SYT2: variants seen among roughly 807,000 people sequenced by gnomAD.
SYT2 encodes synaptotagmin-2.
Under a neutral mutation model 39.9 loss-of-function variants are expected in SYT2, and 15 were observed. The ratio of observed to expected loss-of-function variants is 0.38; its 90% confidence interval spans 0.25 to 0.58. The LOEUF (loss-of-function observed/expected upper bound fraction) is 0.58. Ranked by LOEUF, SYT2 falls within the 20% of genes least tolerant of loss-of-function variation. The pLI is 0.70. For missense variants in SYT2, 389 were observed against 530.3 expected (o/e 0.73, Z 2.62); for synonymous variants, 181 against 204.5 (o/e 0.89, Z 0.98).
At chr1:202,637,117 T>G (rs1450078417) in intron 1 of SYT2, among the ~76,000 whole-genome samples, 2 of 151,846 alleles carry the variant, frequency 1.3e-5, no homozygotes, top group Admixed American at 1.3e-4. Flanking sequence ...GCCCCAGGAG[T>G]TCGAGCCCAG....
intron 1 of SYT2, among the ~76,000 whole-genome samples, chr1:202,610,427 C>T (rs1047743915): frequency 7.9e-5 from 12 of 152,282 alleles, no homozygotes; most frequent in African/African-American, 2.9e-4. Flanking sequence ...CAGGGATGCC[C>T]CCTCTCACCA....
intron 1 of SYT2, among the ~76,000 whole-genome samples, chr1:202,682,928 C>T (rs757108714): frequency 2.0e-5 from 3 of 152,142 alleles, no homozygotes; most frequent in Non-Finnish European, 4.4e-5. Flanking sequence ...CTAGTAGAAA[C>T]ATGAGCAGAA....
At chr1:202,637,131 G>T (rs1044880127) in intron 1 of SYT2, among the ~76,000 whole-genome samples, 1 of 152,098 alleles carries the variant, frequency 6.6e-6, no homozygotes, top group Non-Finnish European at 1.5e-5. Context: ...AGCCCAGCCT[G>T]GGCAACATGG....
At chr1:202,686,137 G>T (rs1653659954) in intron 1 of SYT2, among the ~76,000 whole-genome samples, 1 of 152,168 alleles carries the variant, frequency 6.6e-6, no homozygotes, top group African/African-American at 2.4e-5. Context: ...GAGGTGTTTG[G>T]GTTGTTTGGG....
At chr1:202,703,743 C>T (rs778518080) in intron 1 of SYT2, among the ~76,000 whole-genome samples, 7 of 152,126 alleles carry the variant, frequency 4.6e-5, no homozygotes, top group Non-Finnish European at 4.4e-5. Context: ...TCAGTCTACT[C>T]GGGTATGGAA....
At chr1:202,626,196 A>G (rs1229191495) in intron 1 of SYT2, among the ~76,000 whole-genome samples, 1 of 151,912 alleles carries the variant, frequency 6.6e-6, no homozygotes, top group African/African-American at 2.4e-5. Context: ...GATGCGGGTC[A>G]CCTTACAGCC....
At position 202,623,566 on chromosome 1, in the gene SYT2, G is replaced by A. The variant is rs1304191395; in HGVS notation, c.-17-17777C>T. 2.6e-5 allele frequency among the ~76,000 whole-genome samples: 4 copies of A among 152,262 alleles called. No individual in the cohort carries two copies. The highest frequency in any genetic ancestry group is 9.6e-5 in the African/African-American group (4 of 41,470). On this transcript the variant is annotated intron_variant, in intron 1 of 8. Transcript: ENST00000367268. This position sits in a 1 kb window ranked among gnomAD's most constrained non-coding sequence, Gnocchi z 4.2. ...CTTGGGAGCAGGCCGGGAAGGGTGG[G>A]CGACCCGGAATGAGTGATTGAGTGG...
At position 202,594,948 on chromosome 1, in the gene SYT2, C is replaced by G. The variant is rs531387871; in HGVS notation, c.*1809G>C. The G allele has an allele frequency of 6.6e-6, 1 of 152,396 alleles. No homozygotes were observed. The highest frequency in any genetic ancestry group is 1.5e-5 in the Non-Finnish European group (1 of 68,092). 9.4% of individuals were successfully genotyped at this position (152,396 alleles called of 1,614,324 possible). A position where few individuals can be genotyped will look rare whatever the true frequency, so the allele number is the denominator to read the frequency against. On this transcript the variant is annotated 3_prime_UTR_variant, in exon 9 of 9. Coordinates refer to ENST00000367268, the MANE Select transcript of SYT2 (RefSeq NM_177402.5). Reference sequence around the variant, plus strand: ...CACTGGATCCTCAAAGCCTGATTCCCTCCAACACTGTCCATCTGTCTTGGG... The same window carrying G: ...CACTGGATCCTCAAAGCCTGATTCCGTCCAACACTGTCCATCTGTCTTGGG...
At chr1:202,658,870 G>A (rs1212161351) in intron 1 of SYT2, among the ~76,000 whole-genome samples, 1 of 152,072 alleles carries the variant, frequency 6.6e-6, no homozygotes, top group East Asian at 1.9e-4. Context: ...TAGGTAGAAG[G>A]AGTATGAAGT....
intron 1 of SYT2, among the ~76,000 whole-genome samples, chr1:202,688,991 G>A (rs551024669): frequency 1.3e-5 from 2 of 152,286 alleles, no homozygotes; most frequent in East Asian, 1.9e-4. Flanking sequence ...AACGGCTCAC[G>A]GAGCAGCTCC....
intron 1 of SYT2, among the ~76,000 whole-genome samples, chr1:202,610,793 A>G (rs888666254): frequency 2.0e-5 from 3 of 152,090 alleles, no homozygotes; most frequent in African/African-American, 7.2e-5. Context: ...TTCAAGGAGA[A>G]CTACAAACCA....
intron 1 of SYT2, among the ~76,000 whole-genome samples, chr1:202,642,854 G>T (rs541200947): frequency 2.7e-4 from 41 of 152,328 alleles, no homozygotes; most frequent in African/African-American, 9.6e-4. Context: ...ACCTCCCCGC[G>T]CCCTTCCCAC....
chr1:202,663,948 A>G (rs1004763845), intron 1 of SYT2, among the ~76,000 whole-genome samples: 1 of 152,186 alleles, frequency 6.6e-6, no homozygotes, highest in Non-Finnish European at 1.5e-5. Flanking sequence ...AAGGTCAGCC[A>G]AGTTACAAAA....
At position 202,590,672 on chromosome 1, in the gene SYT2, A is replaced by G. The variant is rs1161431030; in HGVS notation, c.*6085T>C. 2 of 151,686 alleles carry G rather than the reference A, an allele frequency of 1.3e-5. No individual in the cohort carries two copies. Among genetic ancestry groups the G allele is most frequent in the East Asian group, 1.9e-4 (1 of 5,138 alleles). The allele number at this position is 151,686 out of a possible 1,614,324, so 9.4% of individuals were successfully genotyped here. ...CAATTTGACAAGAGATCAGACAAGA[A>G]CAAGAGTCCACATAAGGGAGATGGA... On this transcript the variant is annotated 3_prime_UTR_variant, in exon 9 of 9. Transcript: ENST00000367268.
chr1:202,612,813 TCAA>T (rs1243263656), intron 1 of SYT2, among the ~76,000 whole-genome samples: 3 of 152,210 alleles, frequency 2.0e-5, no homozygotes, highest in Non-Finnish European at 4.4e-5. Context: ...AGGGATCATA[TCAA>T]CAACATTGAG....
At chr1:202,693,609 C>A (rs572512790) in intron 1 of SYT2, among the ~76,000 whole-genome samples, 14 of 152,104 alleles carry the variant, frequency 9.2e-5, no homozygotes, top group Non-Finnish European at 1.5e-4. Context: ...ATAGGTCCTG[C>A]CAAGAGGCTG....
chr1:202,700,442 C>T lies in SYT2; in HGVS notation c.-18+9816G>A, dbSNP rs1038274896. Among the ~76,000 whole-genome samples, 5 of 152,158 alleles carry T rather than the reference C, an allele frequency of 3.3e-5. No individual in the cohort carries two copies. The South Asian group carries it at 1.0e-3, about 32-fold the overall frequency. On this transcript the variant is annotated intron_variant, in intron 1 of 8. Transcript: ENST00000367268. ...TTCTCAAACCTTTTGGTTCTAAGAC[C>T]CGTTTATTGAGGACCCTCCAAGAGC...
rs1690140414 is a variant in SYT2 at position 202,592,113 on chromosome 1, A to C, written c.*4644T>G. ...TCCTGGGAGGAGCCAAGGGAGGCCA[A>C]ATCTCCAGCAGGAGGCCCCCTTTAT... On this transcript the variant is annotated 3_prime_UTR_variant, in exon 9 of 9. Coordinates refer to ENST00000367268, the MANE Select transcript of SYT2 (RefSeq NM_177402.5). 6.5e-6 allele frequency: 1 copy of C among 152,832 alleles called. No homozygotes were observed. The highest frequency in any genetic ancestry group is 6.5e-5 in the Admixed American group (1 of 15,288). 9.5% of individuals were successfully genotyped at this position (152,832 alleles called of 1,614,324 possible).
chr1:202,662,081 G>T (rs1281596603), intron 1 of SYT2, among the ~76,000 whole-genome samples: 1 of 152,200 alleles, frequency 6.6e-6, no homozygotes, highest in Non-Finnish European at 1.5e-5. Context: ...AGAGAGGAGG[G>T]TGCCAACCTG....
Sources: gnomAD v4.1 joint callset for allele counts (sites outside exome capture counted in the v4.1 genomes callset) on GRCh38, gnomAD v4.1.1 for gene constraint, Gnocchi (gnomAD v3.1) non-coding constraint, MANE v1.5 for transcripts, NCBI Gene and HGNC (gene_info 2026-07-23, HGNC 2026-07-21) for gene names.